Variants in GABRB3 observed in about 807,000 individuals in gnomAD.
GABRB3 encodes the protein gamma-aminobutyric acid type A receptor subunit beta3, also known as gamma-aminobutyric acid receptor subunit beta-3.
In GABRB3, 14 loss-of-function variants were observed where a neutral mutation model predicts 52.1. The observed-to-expected ratio is 0.27, with a 90% CI of 0.18 to 0.42. The LOEUF (loss-of-function observed/expected upper bound fraction) is 0.42. GABRB3 is among the 10% of genes least tolerant of loss of function. The pLI is 1.00. For synonymous variants in GABRB3, 260 were observed against 232.3 expected (o/e 1.12, Z -1.08); for missense variants, 307 against 609.1 (o/e 0.50, Z 5.22).
chr15:26,690,287 C>T (rs996177619), intron 3 of GABRB3, among the ~76,000 whole-genome samples: 1 of 151,828 alleles, frequency 6.6e-6, no homozygotes, highest in Admixed American at 6.6e-5. Context: ...CTATGTTGCC[C>T]AGACTGGTCT....
At chr15:26,569,472 G>A (rs190234520) in intron 6 of GABRB3, 1 of 152,224 alleles carries the variant, frequency 6.6e-6, no homozygotes, top group Non-Finnish European at 1.5e-5. Context: ...CACAATTTTC[G>A]ATTCTTCCTA....
At chr15:26,734,259 G>A (rs1295908654) in intron 3 of GABRB3, among the ~76,000 whole-genome samples, 2 of 151,756 alleles carry the variant, frequency 1.3e-5, no homozygotes, top group Non-Finnish European at 2.9e-5. Flanking sequence ...TTGAACTCCC[G>A]ACCTCAGGTG....
chr15:26,761,781 G>A (rs1890829279), intron 3 of GABRB3, among the ~76,000 whole-genome samples: 1 of 152,120 alleles, frequency 6.6e-6, no homozygotes, highest in Non-Finnish European at 1.5e-5. Context: ...AGCTACTATT[G>A]TTGACGCCTC....
chr15:26,629,532 G>A (rs1185657592), intron 3 of GABRB3, among the ~76,000 whole-genome samples: 3 of 152,154 alleles, frequency 2.0e-5, no homozygotes, highest in Admixed American at 6.5e-5. Context: ...TGGTGGAGAG[G>A]TCAGAGCTTG....
At chr15:26,607,600 A>T (rs970031687) in intron 4 of GABRB3, among the ~76,000 whole-genome samples, 2 of 150,098 alleles carry the variant, frequency 1.3e-5, no homozygotes, top group African/African-American at 5.1e-5. Flanking sequence ...AAACAAAACA[A>T]AACAAAACAA....
intron 4 of GABRB3, among the ~76,000 whole-genome samples, chr15:26,602,857 T>C (rs1891639033): frequency 6.6e-6 from 1 of 151,900 alleles, no homozygotes; most frequent in South Asian, 2.1e-4. Flanking sequence ...GTATCTTTAC[T>C]AGAAAAGCAA....
chr15:26,629,204 G>A (rs1299894172), intron 3 of GABRB3: 8 of 1,443,840 alleles, frequency 5.5e-6, no homozygotes, highest in South Asian at 2.8e-5. Context: ...GCGAAGCGGC[G>A]GCAATCAGGG....
chr15:26,623,183 T>A (rs916618715), intron 3 of GABRB3, among the ~76,000 whole-genome samples: 1 of 152,156 alleles, frequency 6.6e-6, no homozygotes, highest in Non-Finnish European at 1.5e-5. Context: ...AAGGGTCTGA[T>A]GGAAAAGCCT....
chr15:26,654,775 G>A (rs941297982), intron 3 of GABRB3, among the ~76,000 whole-genome samples: 4 of 152,030 alleles, frequency 2.6e-5, no homozygotes, highest in Non-Finnish European at 5.9e-5. Context: ...AAAGGGGAGG[G>A]AGGTTCAATT....
chr15:26,617,745 T>C (rs1892313983), intron 4 of GABRB3, among the ~76,000 whole-genome samples: 1 of 152,144 alleles, frequency 6.6e-6, no homozygotes, highest in Admixed American at 6.5e-5. Context: ...GCAGACGACA[T>C]GATTATATAT....
chr15:26,754,096 A>C (rs570272954), intron 3 of GABRB3, among the ~76,000 whole-genome samples: 1 of 152,244 alleles, frequency 6.6e-6, no homozygotes, highest in Non-Finnish European at 1.5e-5. Context: ...GAAAAAAGCA[A>C]CATAAACCCA....
chr15:26,761,724 G>A (rs906480531), intron 3 of GABRB3, among the ~76,000 whole-genome samples: 2 of 152,064 alleles, frequency 1.3e-5, no homozygotes, highest in East Asian at 1.9e-4. Flanking sequence ...TACCAACCAC[G>A]GCCACGCCCA....
intron 3 of GABRB3, chr15:26,625,124 G>A: frequency 4.2e-6 from 1 of 240,844 alleles, no homozygotes; most frequent in Non-Finnish European, 6.7e-6. Context: ...TGAAGTTCGG[G>A]CCACCTCCTT....
chr15:26,615,522 C>T, intron 4 of GABRB3: 2 of 848,626 alleles, frequency 2.4e-6, no homozygotes, highest in Non-Finnish European at 2.8e-6. Context: ...CCTTTTATCA[C>T]TACAAGAATG....
intron 3 of GABRB3, among the ~76,000 whole-genome samples, chr15:26,759,958 T>A (rs929310364): frequency 6.6e-6 from 1 of 152,322 alleles, no homozygotes; most frequent in South Asian, 2.1e-4. Context: ...TAATTCTAAA[T>A]TCAGACCAAA....
At chr15:26,679,606 A>C (rs1009651817) in intron 3 of GABRB3, among the ~76,000 whole-genome samples, 1 of 152,132 alleles carries the variant, frequency 6.6e-6, no homozygotes, top group South Asian at 2.1e-4. Context: ...ATTCTCTAAT[A>C]GAGAATAGCA....
chr15:26,604,842 G>A (rs1429635461), intron 4 of GABRB3, among the ~76,000 whole-genome samples: 1 of 152,088 alleles, frequency 6.6e-6, no homozygotes, highest in African/African-American at 2.4e-5. Context: ...AAACTCTCCA[G>A]GACATTGGTC....
intron 3 of GABRB3, among the ~76,000 whole-genome samples, chr15:26,665,102 T>C (rs1165815740): frequency 1.3e-5 from 2 of 152,248 alleles, no homozygotes; most frequent in African/African-American, 4.8e-5. Flanking sequence ...TTTAGCATTT[T>C]AAAATTAAAG....
intron 3 of GABRB3, among the ~76,000 whole-genome samples, chr15:26,646,800 G>A (rs1887023686): frequency 6.6e-6 from 1 of 152,080 alleles, no homozygotes; most frequent in South Asian, 2.1e-4. Context: ...AGCGACTAAT[G>A]ATGTTAACTG....
Sources: allele counts gnomAD v4.1 joint callset (sites outside exome capture counted in the v4.1 genomes callset), GRCh38; gene constraint gnomAD v4.1.1; transcripts MANE v1.5; gene names NCBI Gene and HGNC (gene_info 2026-07-23, HGNC 2026-07-21).